Variants in ROCK2 observed in about 807,000 individuals in gnomAD.
ROCK2 encodes Rho associated coiled-coil containing protein kinase 2.
A neutral mutation model predicts 195.1 loss-of-function variants in ROCK2; 61 were observed. The observed-to-expected ratio is 0.31, with a 90% CI of 0.25 to 0.39. ROCK2 has a LOEUF of 0.39. ROCK2 is among the 10% of genes least tolerant of loss of function. The pLI, the probability that ROCK2 is intolerant of heterozygous loss-of-function variation, is 1.00. For synonymous variants in ROCK2, 504 were observed against 545.5 expected (o/e 0.92, Z 1.06); for missense variants, 1,109 against 1,637.4 (o/e 0.68, Z 5.57).
intron 4 of ROCK2, among the ~76,000 whole-genome samples, chr2:11,238,959 A>C (rs1665326373): frequency 1.3e-5 from 2 of 152,078 alleles, no homozygotes; most frequent in African/African-American, 4.8e-5. Flanking sequence ...GTGCCAGGGC[A>C]ATTTAATGAG....
At chr2:11,231,480 T>C (rs935857775) in intron 5 of ROCK2, among the ~76,000 whole-genome samples, 24 of 152,124 alleles carry the variant, frequency 1.6e-4, no homozygotes, top group African/African-American at 5.6e-4. Flanking sequence ...AGTGCTGGGG[T>C]TACAGGCATG....
rs1412357941 is a variant in ROCK2, at chr2:11,235,466, ACTAAG to A, written c.723+231_723+235del. Among the ~76,000 whole-genome samples the A allele has an allele frequency of 6.6e-6, 1 of 152,200 alleles. No homozygotes were observed. The highest frequency in any genetic ancestry group is 1.5e-5 in the Non-Finnish European group (1 of 68,020). On this transcript the variant is annotated intron_variant, in intron 5 of 32. Transcript: ENST00000315872. This position sits in a 1 kb window ranked among gnomAD's most constrained non-coding sequence, Gnocchi z 4.2. The stretch of plus-strand genomic sequence containing the variant: ...TTGTCAACAGTCTATGAGGAAGATA[ACTAAG>A]CTAAGTTTTTATTTCTCTTGATAAG...
chr2:11,281,378 CACTGT>C (rs1452491401), intron 3 of ROCK2, among the ~76,000 whole-genome samples: 1 of 152,168 alleles, frequency 6.6e-6, no homozygotes, highest in African/African-American at 2.4e-5. Flanking sequence ...TCCTTTCCAT[CACTGT>C]ACTGAAAGTC....
intron 3 of ROCK2, among the ~76,000 whole-genome samples, chr2:11,256,287 T>G (rs1053993349): frequency 6.6e-6 from 1 of 151,244 alleles, no homozygotes; most frequent in Admixed American, 6.6e-5. Context: ...GGGGAGGGAC[T>G]TCCCCCTTGT....
At chr2:11,284,978 G>A (rs1667133638) in intron 3 of ROCK2, among the ~76,000 whole-genome samples, 1 of 152,088 alleles carries the variant, frequency 6.6e-6, no homozygotes, top group Non-Finnish European at 1.5e-5. Context: ...ATGTTTAATA[G>A]GAGGCTGGGT....
intron 3 of ROCK2, among the ~76,000 whole-genome samples, chr2:11,274,028 A>G (rs1453193397): frequency 6.6e-6 from 1 of 152,112 alleles, no homozygotes; most frequent in Admixed American, 6.6e-5. Context: ...ATCATATAAG[A>G]AATCAGAAGG....
chr2:11,317,612 A>ATTTTTTTTTTTT (rs1553317464), intron 1 of ROCK2, among the ~76,000 whole-genome samples: 2 of 19,312 alleles, frequency 1.0e-4, no homozygotes, highest in Non-Finnish European at 2.0e-4. Context: ...ATATATATAT[A>ATTTTTTTTTTTT]TTTTTTTTTT....
At position 11,197,204 on chromosome 2, in the gene ROCK2, C is replaced by T. The variant is rs369090525; in HGVS notation, c.3424G>A (p.Ala1142Thr). Residue 1142 changes from alanine to threonine, a missense_variant, in exon 27 of 33, where the codon GCT becomes ACT. This residue lies in a region of ROCK2 where 221 missense variants were observed against 355.1 expected (regional missense o/e 0.62). Transcript: ENST00000315872. This position sits in a 1 kb window ranked among gnomAD's most constrained non-coding sequence, Gnocchi z 4.9. ...SSSIGSGPGD[A>T]EADDGFPESR... ...CCTGGAAACCCATCATCTGCCTCAG[C>T]ATCCCCTGGTCCACTGCCTATACTG... is the stretch of plus-strand genomic sequence containing the variant. 1.6e-4 allele frequency: 254 copies of T among 1,606,102 alleles called. 1 individual carries two copies. The South Asian group carries it at 2.7e-3, about 17-fold the overall frequency.
chr2:11,232,889 T>C (rs752921055), intron 5 of ROCK2, among the ~76,000 whole-genome samples: 8 of 152,118 alleles, frequency 5.3e-5, no homozygotes, highest in Non-Finnish European at 1.2e-4. Flanking sequence ...GACAAATATA[T>C]GAAGAGAGGT....
rs1664657567 is a variant in ROCK2, at chr2:11,222,132, C to T, written c.1050G>A (p.Gln350=). The change falls in exon 8 of 33, where the codon CAG becomes CAA. Residue 350 remains glutamine, a synonymous_variant. Coordinates refer to ENST00000315872, the MANE Select transcript of ROCK2 (RefSeq NM_004850.5). ...ACTGATCATTCTTAAAGAAAGGATGCTGTCTGATTTCTTCCACCCCATTTC... is the reference window on the plus strand; with the variant it reads ...ACTGATCATTCTTAAAGAAAGGATGTTGTCTGATTTCTTCCACCCCATTTC... The part of the protein sequence containing the change: ...LGRNGVEEIR[Q]HPFFKNDQWH... 6.2e-7 allele frequency: 1 copy of T among 1,611,224 alleles called. No homozygotes were observed. The highest frequency in any genetic ancestry group is 8.5e-7 in the Non-Finnish European group (1 of 1,177,870).
intron 27 of ROCK2, among the ~76,000 whole-genome samples, chr2:11,196,650 A>G (rs1663647385): frequency 6.6e-6 from 1 of 152,212 alleles, no homozygotes; most frequent in Non-Finnish European, 1.5e-5. Context: ...GGGTAGTGGG[A>G]AAAACTCCAA....
intron 3 of ROCK2, 94 bp downstream of exon 3, chr2:11,286,445 T>C (rs955136975): frequency 2.6e-6 from 2 of 757,856 alleles, no homozygotes; most frequent in African/African-American, 3.5e-5. Context: ...CTGGCATGGG[T>C]GGGCATAGAA....
intron 28 of ROCK2, 37 bp from the exon 29 acceptor site, chr2:11,194,381 G>T: frequency 2.5e-6 from 2 of 795,148 alleles, no homozygotes; most frequent in Admixed American, 2.6e-5. Flanking sequence ...AGTAATTCAA[G>T]TTTTTATATA....
chr2:11,203,140 T>G (rs1317614766), intron 20 of ROCK2, among the ~76,000 whole-genome samples: 2 of 152,158 alleles, frequency 1.3e-5, no homozygotes, highest in Non-Finnish European at 1.5e-5. Flanking sequence ...ATAAATAAAA[T>G]AAAAGCAAGC....
rs1206135282 is a variant in ROCK2, at chr2:11,344,471, G to A, written c.-335C>T. 4.0e-6 allele frequency: 4 copies of A among 1,003,546 alleles called. No individual in the cohort carries two copies. In the African/African-American group the frequency reaches 6.9e-5, roughly 17 times the overall value. 62.2% of individuals were successfully genotyped at this position (1,003,546 alleles called of 1,614,324 possible). ...CGGGCGGGAGCAGGGAAGTGGCGCC[G>A]CCACCGCCGCGGCCCGGACCGCCCC... On this transcript the variant is annotated 5_prime_UTR_variant, in exon 1 of 33. Transcript: ENST00000315872. This position sits in a 1 kb window ranked among gnomAD's most constrained non-coding sequence, Gnocchi z 5.4.
chr2:11,224,268 T>A, intron 7 of ROCK2, 54 bp downstream of exon 7: 1 of 1,482,664 alleles, frequency 6.7e-7, no homozygotes, highest in Non-Finnish European at 9.2e-7. Flanking sequence ...ATGCTTTTAT[T>A]TCTATAAATT....
At chr2:11,190,754 C>T (rs1017258651) in intron 32 of ROCK2, among the ~76,000 whole-genome samples, 2 of 152,004 alleles carry the variant, frequency 1.3e-5, no homozygotes, top group Non-Finnish European at 1.5e-5. Context: ...CAGAGAAGTA[C>T]TTTGGAAACT....
chr2:11,314,773 T>C (rs1199792065), intron 1 of ROCK2, among the ~76,000 whole-genome samples: 4 of 152,026 alleles, frequency 2.6e-5, no homozygotes, highest in East Asian at 3.9e-4. Context: ...TGCTTAAATA[T>C]AGATGTCCTT....
chr2:11,180,650 C>G lies in ROCK2; in HGVS notation c.*2787G>C, dbSNP rs1251438325. 1 of 152,052 alleles carries G rather than the reference C, an allele frequency of 6.6e-6. No individual in the cohort carries two copies. Among genetic ancestry groups the G allele is most frequent in the Non-Finnish European group, 1.5e-5 (1 of 68,040 alleles). The allele number at this position is 152,052 out of a possible 1,614,324, so 9.4% of individuals were successfully genotyped here. On this transcript the variant is annotated 3_prime_UTR_variant, in exon 33 of 33. Coordinates refer to ENST00000315872, the MANE Select transcript of ROCK2 (RefSeq NM_004850.5). ...CCCAGTATTCATGATTTCTTAGTTC[C>G]CCATAGGAGGTATTTATGGTTCTAG... is the stretch of plus-strand genomic sequence containing the variant.
Sources: allele counts gnomAD v4.1 joint callset (sites outside exome capture counted in the v4.1 genomes callset), GRCh38; gene constraint gnomAD v4.1.1; regional missense constraint gnomAD v4.1.1; non-coding constraint Gnocchi (gnomAD v3.1); transcripts MANE v1.5; gene names NCBI Gene and HGNC (gene_info 2026-07-23, HGNC 2026-07-21).